Variants in SNX29 observed in about 807,000 individuals in gnomAD.
The protein encoded by SNX29 is sorting nexin 29.
Under a neutral mutation model 102.1 loss-of-function variants are expected in SNX29, and 78 were observed. That is an observed-to-expected ratio of 0.76 (90% CI 0.64 to 0.92). The LOEUF is 0.92. SNX29 is among the 40% of genes least tolerant of loss of function. The probability of loss-of-function intolerance (pLI) is 0.00; values close to 1 mark genes in which losing one functional copy is unlikely to be tolerated. For missense variants in SNX29, 1,280 were observed against 1,061.7 expected (o/e 1.21, Z -2.86); for synonymous variants, 580 against 414.5 (o/e 1.40, Z -4.85).
At chr16:12,332,730 G>C (rs970104064) in intron 15 of SNX29, among the ~76,000 whole-genome samples, 50 of 152,268 alleles carry the variant, frequency 3.3e-4, no homozygotes, top group Admixed American at 3.3e-4. Context: ...TATCCTCCCA[G>C]CCTGATCTCT....
intron 16 of SNX29, among the ~76,000 whole-genome samples, chr16:12,384,086 G>A (rs930571384): frequency 1.3e-5 from 2 of 152,180 alleles, no homozygotes; most frequent in Admixed American, 1.3e-4. Context: ...ACCCCACTGT[G>A]TATATGTACC....
intron 1 of SNX29, among the ~76,000 whole-genome samples, chr16:11,996,767 G>A (rs1174859268): frequency 1.3e-5 from 2 of 152,138 alleles, no homozygotes; most frequent in South Asian, 2.1e-4. Flanking sequence ...AACAAAGAGC[G>A]TTTGATTGAT....
chr16:12,408,297 C>A (rs566875663), intron 18 of SNX29, among the ~76,000 whole-genome samples: 2 of 152,248 alleles, frequency 1.3e-5, no homozygotes, highest in Non-Finnish European at 2.9e-5. Context: ...AGGCTAAGGG[C>A]AGGCCTGCAG....
At position 12,543,884 on chromosome 16, in the gene SNX29, C is replaced by G. The variant is rs537671074; in HGVS notation, c.2318+19043C>G. 2.0e-5 allele frequency among the ~76,000 whole-genome samples: 3 copies of G among 152,326 alleles called. No homozygotes were observed. In the South Asian group the frequency reaches 6.2e-4, roughly 32 times the overall value. On this transcript the variant is annotated intron_variant, in intron 20 of 20. Transcript: ENST00000566228. ...ACATCCTCTTACCACACTACAAGAG[C>G]TTGCGTATTCCTTCATCCTGGATTG...
intron 15 of SNX29, among the ~76,000 whole-genome samples, chr16:12,352,220 C>A (rs1013036844): frequency 1.3e-5 from 2 of 152,106 alleles, no homozygotes; most frequent in African/African-American, 2.4e-5. Flanking sequence ...TTTGTACGGA[C>A]ATGGATGAAG....
Position 12,336,550 on chromosome 16 carries a change from A to G in SNX29, c.1783-19613A>G, listed in dbSNP as rs146110745. ...TGTTTTCTCTTTACTCAGGGTTTGC[A>G]TTTGGAGTGGTGAAATTTGCACTTC... On this transcript the variant is annotated intron_variant, in intron 15 of 20. Coordinates refer to ENST00000566228, the MANE Select transcript of SNX29 (RefSeq NM_032167.5). 4.3e-3 allele frequency among the ~76,000 whole-genome samples: 659 copies of G among 152,290 alleles called. 3 individuals carry two copies. Among genetic ancestry groups the G allele is most frequent in the African/African-American group, 0.015 (636 of 41,572 alleles).
rs539796841 is a variant in SNX29 at position 12,524,577 on chromosome 16, G to A, written c.2179-125G>A. ...GTAAGGGCTTAGGGACCATTCATAC[G>A]AGATAGTTGCTCAATCAGTGTTGGT... On this transcript the variant is annotated intron_variant, in intron 19 of 20. Transcript: ENST00000566228. The A allele has an allele frequency of 1.0e-5, 11 of 1,079,778 alleles. No homozygotes were observed. In the East Asian group the frequency reaches 2.2e-4, roughly 22 times the overall value. The allele number at this position is 1,079,778 out of a possible 1,614,324, so 66.9% of individuals were successfully genotyped here.
At chr16:12,566,565 A>T (rs139810091) in intron 20 of SNX29, among the ~76,000 whole-genome samples, 16 of 152,178 alleles carry the variant, frequency 1.1e-4, no homozygotes, top group South Asian at 2.1e-4. Flanking sequence ...GCATGGCTTT[A>T]AACTGACTTT....
At chr16:12,560,953 C>G (rs796507500) in intron 20 of SNX29, 14 of 210,096 alleles carry the variant, frequency 6.7e-5, no homozygotes, top group African/African-American at 3.2e-4. Context: ...GAGAACCAGA[C>G]CCAGACCTGC....
chr16:12,564,090 TTTGTAAAATCCTCCTTGA>T (rs1243407017), intron 20 of SNX29, among the ~76,000 whole-genome samples: 1 of 152,212 alleles, frequency 6.6e-6, no homozygotes, highest in African/African-American at 2.4e-5. Flanking sequence ...TTGTAATATC[TTTGTAAAATCCTCCTTGA>T]TTGGGTGTGG....
Position 12,279,111 on chromosome 16 carries a change from T to G in SNX29, c.1782+1075T>G, listed in dbSNP as rs375613156. ...CTTGGTGGTAGTATTGTAAGTCATGTCTGTATGTACATACATACACATGCT... is the reference window on the plus strand; with the variant it reads ...CTTGGTGGTAGTATTGTAAGTCATGGCTGTATGTACATACATACACATGCT... On this transcript the variant is annotated intron_variant, in intron 15 of 20. Coordinates refer to ENST00000566228, the MANE Select transcript of SNX29 (RefSeq NM_032167.5). Among the ~76,000 whole-genome samples the G allele has an allele frequency of 2.6e-5, 4 of 152,248 alleles. No individual in the cohort carries two copies. In the East Asian group the frequency reaches 7.7e-4, roughly 29 times the overall value.
rs187596409 is a variant in SNX29, at chr16:11,986,646, G to A, written c.7+9833G>A. Reference sequence around the variant, plus strand: ...CAGCATAGCATTCCACCAAATTGATGTACCGCAGCTATTTAACCTCTCTCC... The same window carrying A: ...CAGCATAGCATTCCACCAAATTGATATACCGCAGCTATTTAACCTCTCTCC... On this transcript the variant is annotated intron_variant, in intron 1 of 20. Transcript: ENST00000566228. 5.4e-4 allele frequency among the ~76,000 whole-genome samples: 82 copies of A among 152,266 alleles called. 1 individual carries two copies. Among genetic ancestry groups the A allele is most frequent in the Non-Finnish European group, 1.3e-4 (9 of 68,030 alleles).
In SNX29 at chr16:12,543,764, TTTATTTTCCAAGA is replaced by T. The variant is rs1369976027; in HGVS notation, c.2318+18925_2318+18937del. 2.0e-5 allele frequency among the ~76,000 whole-genome samples: 3 copies of T among 152,164 alleles called. No individual in the cohort carries two copies. In the East Asian group the frequency reaches 5.8e-4, roughly 29 times the overall value. On this transcript the variant is annotated intron_variant, in intron 20 of 20. Transcript: ENST00000566228. The stretch of plus-strand genomic sequence containing the variant: ...AGTTGACTGGGGGAGATTTTCCAAG[TTTATTTTCCAAGA>T]TGTATCTGGTGCTCTAGAGATTTCT...
intron 20 of SNX29, among the ~76,000 whole-genome samples, chr16:12,549,132 G>T (rs2077799456): frequency 6.6e-6 from 1 of 152,160 alleles, no homozygotes; most frequent in Non-Finnish European, 1.5e-5. Flanking sequence ...AAAATTCTGG[G>T]GTAGTTTTGA....
intron 1 of SNX29, among the ~76,000 whole-genome samples, chr16:11,978,707 T>G (rs572017435): frequency 2.0e-4 from 30 of 152,304 alleles, no homozygotes; most frequent in African/African-American, 7.2e-4. Flanking sequence ...CGTTTTACCT[T>G]TAGCACAAGA....
chr16:12,355,095 T>C (rs2082093602), intron 15 of SNX29, among the ~76,000 whole-genome samples: 1 of 152,138 alleles, frequency 6.6e-6, no homozygotes, highest in Non-Finnish European at 1.5e-5. Context: ...TAATTCTTTA[T>C]AAAGGGTCTA....
Position 12,249,370 on chromosome 16 carries a change from TC to T in SNX29, c.1679-28561del, listed in dbSNP as rs145993271. Among the ~76,000 whole-genome samples the T allele has an allele frequency of 8.6e-4, 131 of 152,300 alleles. 1 individual carries two copies. The Middle Eastern group carries it at 0.017, about 20-fold the overall frequency. ...GGTCTCAGAGTTCTAAGAGGGAACA[TC>T]CTGAAAGACAAGCCCACGTGCAAGG... On this transcript the variant is annotated intron_variant, in intron 14 of 20. Transcript: ENST00000566228.
intron 16 of SNX29, among the ~76,000 whole-genome samples, chr16:12,362,459 T>A (rs898785576): frequency 2.1e-4 from 32 of 151,912 alleles, no homozygotes; most frequent in African/African-American, 6.5e-4. Flanking sequence ...GAGGTCACGA[T>A]GTAGTTCCAA....
In SNX29 at chr16:12,560,275, A is replaced by G. The variant is rs367948451; in HGVS notation, c.2319-8231A>G. ...TAAAAATATCAGGAACACAGCAGCA[A>G]TGTCACAGTGTTATTGAAAGCACAC... On this transcript the variant is annotated intron_variant, in intron 20 of 20. Coordinates refer to ENST00000566228, the MANE Select transcript of SNX29 (RefSeq NM_032167.5). Among the ~76,000 whole-genome samples the G allele has an allele frequency of 4.6e-5, 7 of 152,268 alleles. 1 individual carries two copies. Among genetic ancestry groups the G allele is most frequent in the Admixed American group, 1.3e-4 (2 of 15,298 alleles).
Sources: gnomAD v4.1 joint callset for allele counts (sites outside exome capture counted in the v4.1 genomes callset) on GRCh38, gnomAD v4.1.1 for gene constraint, MANE v1.5 for transcripts, NCBI Gene and HGNC (gene_info 2026-07-23, HGNC 2026-07-21) for gene names.